The following STK3 variants were observed in gnomAD, a reference collection of about 807,000 sequenced individuals.
STK3 encodes serine/threonine kinase 3.
STK3 carries 41 observed loss-of-function variants against 58.0 expected under a neutral mutation model. The observed-to-expected ratio is 0.71, with a 90% CI of 0.55 to 0.92. The LOEUF is 0.92. Among genes scored for constraint, STK3 ranks in the 40% least tolerant of loss-of-function variants. The probability of loss-of-function intolerance (pLI) is 0.00; values close to 1 mark genes in which losing one functional copy is unlikely to be tolerated. For synonymous variants in STK3, 170 were observed against 191.0 expected, an observed-to-expected ratio of 0.89 and a Z score of 0.91; for missense variants, 479 against 602.7, an observed-to-expected ratio of 0.79 and a Z score of 2.15.
At chr8:98,754,903 CA>C (rs769169540) in intron 3 of STK3, among the ~76,000 whole-genome samples, 4 of 151,946 alleles carry the variant, frequency 2.6e-5, no homozygotes, top group Admixed American at 6.6e-5. Context: ...GAAAAGCATA[CA>C]AAAAAATGTA....
Position 98,633,370 on chromosome 8 carries a change from T to C in STK3, c.685-37201A>G, listed in dbSNP as rs73275893. Among the ~76,000 whole-genome samples, 917 of 152,296 alleles carry C rather than the reference T, an allele frequency of 6.0e-3. 7 individuals are homozygous for C. The highest frequency in any genetic ancestry group is 0.037 in the Middle Eastern group (11 of 294). ...GAGGATCTTAAGTAAGACAGTAATA[T>C]GAGTTGTGTTTCATTTAAGATGATC... On this transcript the variant is annotated intron_variant, in intron 6 of 10. Transcript: ENST00000419617.
intron 7 of STK3, 91 bp downstream of exon 7, chr8:98,595,941 T>TCAGTTA (rs1815789246): frequency 7.1e-7 from 1 of 1,405,200 alleles, no homozygotes; most frequent in South Asian, 1.6e-5. Context: ...TCTTTAGAAA[T>TCAGTTA]CAGTTATGAA....
intron 1 of STK3, among the ~76,000 whole-genome samples, chr8:98,909,888 T>C (rs1042921960): frequency 6.6e-6 from 1 of 152,236 alleles, no homozygotes; most frequent in African/African-American, 2.4e-5. Flanking sequence ...TAGAATATGG[T>C]AATACTATGT....
At chr8:98,359,380 T>A in the STK3 span, among the ~76,000 whole-genome samples, 1 of 132,990 alleles carries the variant, frequency 7.5e-6, no homozygotes, top group Non-Finnish European at 1.6e-5. Flanking sequence ...AAAATTAGCC[T>A]GGTGTACTGG....
chr8:98,579,578 C>A, intron 8 of STK3, 86 bp downstream of exon 8: 1 of 1,447,096 alleles, frequency 6.9e-7, no homozygotes, highest in South Asian at 1.3e-5. Flanking sequence ...TATAGTAAAA[C>A]AGTAAGTGCT....
At chr8:98,890,296 G>A (rs1460919677) in intron 1 of STK3, among the ~76,000 whole-genome samples, 2 of 152,258 alleles carry the variant, frequency 1.3e-5, no homozygotes, top group Admixed American at 6.5e-5. Context: ...CTCTGCATTG[G>A]TAAAAGTATA....
chr8:98,587,989 T>C (rs1814821334), intron 7 of STK3, among the ~76,000 whole-genome samples: 2 of 152,220 alleles, frequency 1.3e-5, no homozygotes, highest in African/African-American at 4.8e-5. Flanking sequence ...AGCCTATGTG[T>C]GTCTCTGCAC....
chr8:98,699,583 C>A (rs1242884139), intron 6 of STK3, among the ~76,000 whole-genome samples: 2 of 152,126 alleles, frequency 1.3e-5, no homozygotes, highest in Non-Finnish European at 2.9e-5. Flanking sequence ...TTCTAACAGA[C>A]AGGACCCTCA....
At chr8:98,941,369 C>T (rs1435776895) in intron 1 of STK3, among the ~76,000 whole-genome samples, 1 of 152,254 alleles carries the variant, frequency 6.6e-6, no homozygotes, top group Non-Finnish European at 1.5e-5. Flanking sequence ...CTCCCTACTC[C>T]TCCAGGCTCT....
At chr8:98,810,427 T>C (rs1834141570) in intron 1 of STK3, among the ~76,000 whole-genome samples, 1 of 151,902 alleles carries the variant, frequency 6.6e-6, no homozygotes, top group Admixed American at 6.6e-5. Flanking sequence ...CACCAACACC[T>C]GTGATTTTCT....
At chr8:98,344,460 G>T in the STK3 span, among the ~76,000 whole-genome samples, 1 of 152,240 alleles carries the variant, frequency 6.6e-6, no homozygotes, top group Non-Finnish European at 1.5e-5. Context: ...AATACATTCT[G>T]CATGGTTTAG....
At chr8:98,844,428 G>A (rs1045139228) in intron 3 of STK3, among the ~76,000 whole-genome samples, 12 of 152,130 alleles carry the variant, frequency 7.9e-5, no homozygotes, top group Non-Finnish European at 2.9e-5. Flanking sequence ...CCTGCAAGGG[G>A]GCTGACAGTA....
chr8:98,754,378 C>T (rs546739483), intron 3 of STK3, among the ~76,000 whole-genome samples: 1 of 152,102 alleles, frequency 6.6e-6, no homozygotes, highest in Non-Finnish European at 1.5e-5. Flanking sequence ...CAAGCCCACA[C>T]TCCTTTGAGG....
intron 1 of STK3, among the ~76,000 whole-genome samples, chr8:98,777,819 T>C (rs562016359): frequency 1.4e-3 from 220 of 152,338 alleles, no homozygotes; most frequent in Non-Finnish European, 2.6e-3. Context: ...GAAAACTGGC[T>C]AGCCATATGT....
At chr8:98,827,064 G>A (rs1470321366), upstream of STK3, among the ~76,000 whole-genome samples, 2 of 133,986 alleles carry the variant, frequency 1.5e-5, no homozygotes, top group Non-Finnish European at 3.1e-5. Flanking sequence ...GGCCGGGCGC[G>A]GTGGCTCACG....
At chr8:98,535,190 G>C (rs1809654167) in intron 9 of STK3, among the ~76,000 whole-genome samples, 2 of 152,144 alleles carry the variant, frequency 1.3e-5, no homozygotes, top group South Asian at 4.1e-4. Flanking sequence ...GGAAAAGTAA[G>C]AAACTCCTAA....
intron 6 of STK3, among the ~76,000 whole-genome samples, chr8:98,660,747 C>G (rs1821908273): frequency 6.6e-6 from 1 of 152,104 alleles, no homozygotes; most frequent in Admixed American, 6.6e-5. Context: ...GCAATCAGTA[C>G]CCAACATACA....
chr8:98,406,108 T>G (rs981411487), intron 3 of STK3, among the ~76,000 whole-genome samples: 8 of 152,150 alleles, frequency 5.3e-5, no homozygotes, highest in African/African-American at 1.7e-4. Context: ...GTAGACTGGG[T>G]GCTATGGGCA....
intron 4 of STK3, among the ~76,000 whole-genome samples, chr8:98,720,439 T>C (rs1057123384): frequency 6.6e-6 from 1 of 152,214 alleles, no homozygotes; most frequent in South Asian, 2.1e-4. Context: ...AACATAAATA[T>C]ATGAATTAGT....
Sources: allele counts gnomAD v4.1 joint callset (sites outside exome capture counted in the v4.1 genomes callset), GRCh38; gene constraint gnomAD v4.1.1; transcripts MANE v1.5; gene names NCBI Gene and HGNC (gene_info 2026-07-23, HGNC 2026-07-21).